GDNF: variants seen among roughly 807,000 people sequenced by gnomAD.
The protein encoded by GDNF is glial cell derived neurotrophic factor, also known as glial cell line-derived neurotrophic factor.
In GDNF, 5 loss-of-function variants were observed where a neutral mutation model predicts 13.7. The ratio of observed to expected loss-of-function variants is 0.36; its 90% CI spans 0.19 to 0.77. The LOEUF is 0.77. Among genes scored for constraint, GDNF ranks in the 30% least tolerant of loss-of-function variants. The probability of loss-of-function intolerance (pLI) is 0.51; values close to 1 mark genes in which losing one functional copy is unlikely to be tolerated. For missense variants in GDNF, 246 were observed against 274.3 expected (o/e 0.90, Z 0.73); for synonymous variants, 122 against 112.5 (o/e 1.08, Z -0.53).
At chr5:37,835,367 C>A in intron 1 of GDNF, 1 of 1,149,592 alleles carries the variant, frequency 8.7e-7, no homozygotes, top group Non-Finnish European at 1.2e-6. Flanking sequence ...TCTGGCTAGT[C>A]GAGGGCAGGC....
intron 1 of GDNF, among the ~76,000 whole-genome samples, chr5:37,836,952 G>A (rs1340785714): frequency 2.0e-5 from 3 of 152,236 alleles, no homozygotes; most frequent in African/African-American, 7.2e-5. Context: ...GGAGGCTCCC[G>A]GCTGCGGTTC....
At chr5:37,820,851 T>C (rs1171913228) in intron 2 of GDNF, among the ~76,000 whole-genome samples, 1 of 152,238 alleles carries the variant, frequency 6.6e-6, no homozygotes, top group African/African-American at 2.4e-5. Context: ...TTGTTGCTAA[T>C]GTGGAAATAT....
rs1749791151 is a variant in GDNF, at chr5:37,813,245, G to A, written c.*2406C>T. 6.6e-6 allele frequency: 1 copy of A among 152,256 alleles called. No individual in the cohort carries two copies. Among genetic ancestry groups the A allele is most frequent in the African/African-American group, 2.4e-5 (1 of 41,440 alleles). 9.4% of individuals were successfully genotyped at this position (152,256 alleles called of 1,614,324 possible). ...GGAGCAGAAAGGACAGAGAAGGGCA[G>A]AACCATGAAGAATTTGGGTATTTTG... On this transcript the variant is annotated 3_prime_UTR_variant, in exon 3 of 3. Transcript: ENST00000326524.
chr5:37,836,392 A>G (rs928391502), intron 1 of GDNF, among the ~76,000 whole-genome samples: 1 of 151,610 alleles, frequency 6.6e-6, no homozygotes, highest in Admixed American at 6.6e-5. Context: ...GCCACCTCCC[A>G]CCTCTGCAGA....
intron 2 of GDNF, among the ~76,000 whole-genome samples, chr5:37,817,375 T>C (rs1486227478): frequency 6.6e-6 from 1 of 152,186 alleles, no homozygotes. Flanking sequence ...TCAGGTCATT[T>C]AGTATGTTTA....
intron 1 of GDNF, chr5:37,835,336 GC>G: frequency 1.4e-6 from 1 of 726,038 alleles, no homozygotes. Context: ...GCATTCCCCT[GC>G]CTCGGGTCCC....
intron 2 of GDNF, among the ~76,000 whole-genome samples, chr5:37,828,172 C>T (rs72747310): frequency 0.037 from 5,616 of 152,274 alleles, 115 homozygotes; most frequent in Non-Finnish European, 0.052. Context: ...GCCATCCCCT[C>T]GCTGGGCAGA....
At chr5:37,817,623 G>A (rs1749980391) in intron 2 of GDNF, among the ~76,000 whole-genome samples, 1 of 151,890 alleles carries the variant, frequency 6.6e-6, no homozygotes, top group South Asian at 2.1e-4. Flanking sequence ...GTGTGTGTGT[G>A]TGTGTGTAAT....
Position 37,838,434 on chromosome 5 carries a change from C to T in GDNF, c.-27+1073G>A, listed in dbSNP as rs919923943. ...ACATCTCTTCCTTGAAATACCTAAG[C>T]ATATATTCCAAACACTGAGCAAGAG... On this transcript the variant is annotated intron_variant, in intron 1 of 2. Coordinates refer to ENST00000326524, the MANE Select transcript of GDNF (RefSeq NM_000514.4). This position sits in a 1 kb window ranked among gnomAD's most constrained non-coding sequence, Gnocchi z 4.1. Among the ~76,000 whole-genome samples, 3 of 152,224 alleles carry T rather than the reference C, an allele frequency of 2.0e-5. No individual in the cohort carries two copies. The highest frequency in any genetic ancestry group is 7.2e-5 in the African/African-American group (3 of 41,458).
At chr5:37,835,567 A>G (rs1309427668) in intron 1 of GDNF, 2 of 1,477,678 alleles carry the variant, frequency 1.4e-6, no homozygotes, top group Non-Finnish European at 1.9e-6. Context: ...TCTTAAAGTT[A>G]TGAACATTAA....
intron 2 of GDNF, among the ~76,000 whole-genome samples, chr5:37,820,491 C>T (rs1406056003): frequency 2.0e-5 from 3 of 152,158 alleles, no homozygotes; most frequent in Non-Finnish European, 4.4e-5. Context: ...ATTTGAATTT[C>T]AGGTAAATAG....
intron 2 of GDNF, among the ~76,000 whole-genome samples, chr5:37,816,381 A>T (rs543776781): frequency 6.6e-6 from 1 of 152,360 alleles, no homozygotes; most frequent in South Asian, 2.1e-4. Flanking sequence ...ACAAATCCTT[A>T]GAAGCATAGT....
chr5:37,816,211 C>A lies in GDNF; in HGVS notation c.152-76G>T. The A allele has an allele frequency of 3.3e-6, 5 of 1,507,632 alleles. No homozygotes were observed. In the South Asian group the frequency reaches 3.4e-5, roughly 10 times the overall value. 93.4% of individuals were successfully genotyped at this position (1,507,632 alleles called of 1,614,324 possible). On this transcript the variant is annotated intron_variant, in intron 2 of 2. Coordinates refer to ENST00000326524, the MANE Select transcript of GDNF (RefSeq NM_000514.4). ...AAGCCGTCTTCAAGATCAAAGTGCC[C>A]CCCTAAAGTCAGCAAAAATTGGACC... is the stretch of plus-strand genomic sequence containing the variant.
At chr5:37,826,173 T>A (rs577694868) in intron 2 of GDNF, among the ~76,000 whole-genome samples, 1 of 152,150 alleles carries the variant, frequency 6.6e-6, no homozygotes, top group Non-Finnish European at 1.5e-5. Context: ...AATTTCCCCA[T>A]CTTTCAAATG....
At chr5:37,826,737 C>T (rs1205664770) in intron 2 of GDNF, among the ~76,000 whole-genome samples, 1 of 152,178 alleles carries the variant, frequency 6.6e-6, no homozygotes, top group African/African-American at 2.4e-5. Flanking sequence ...CCTCAATTTC[C>T]ACATGTGCCA....
intron 2 of GDNF, among the ~76,000 whole-genome samples, chr5:37,827,751 T>C (rs1443174129): frequency 6.6e-6 from 1 of 152,246 alleles, no homozygotes. Context: ...TGATTTGGGC[T>C]GATTAGTTTG....
At position 37,815,522 on chromosome 5, in the gene GDNF, C is replaced by CCTCCTCCTCCTCCTCCTG. The variant is rs1749882990; in HGVS notation, c.*128_*129insCAGGAGGAGGAGGAGGAG. 3 of 842,402 alleles carry CCTCCTCCTCCTCCTCCTG rather than the reference C, an allele frequency of 3.6e-6. No individual in the cohort carries two copies. The African/African-American group carries it at 5.4e-5, about 15-fold the overall frequency. The allele number at this position is 842,402 out of a possible 1,614,324, so 52.2% of individuals were successfully genotyped here. ...TCCTCCTCCTCCTCCTCCTCCTCCT[C>CCTCCTCCTCCTCCTCCTG]TTCTTCTTCCTCCTCCTCCGCCTCC... On this transcript the variant is annotated 3_prime_UTR_variant, in exon 3 of 3. Transcript: ENST00000326524. The surrounding 1 kb of genome is among the most constrained non-coding windows in gnomAD (Gnocchi z 5.0).
At position 37,834,785 on chromosome 5, in the gene GDNF, C is replaced by T; in HGVS notation, c.12G>A (p.Trp4Ter). 1 of 1,613,264 alleles carries T rather than the reference C, an allele frequency of 6.2e-7. No homozygotes were observed. The highest frequency in any genetic ancestry group is 8.5e-7 in the Non-Finnish European group (1 of 1,179,676). Residue 4 changes from tryptophan (W) to a stop codon, truncating the protein, a stop_gained, in exon 2 of 3, where the codon TGG becomes TGA. Coordinates refer to ENST00000326524, the MANE Select transcript of GDNF (RefSeq NM_000514.4). LOFTEE classifies it high-confidence loss of function. MKL[W>*]DVVAVCLVLL... is the part of the protein sequence containing the mutation. ...GCACCAGGCAGACAGCCACGACATC[C>T]CATAACTTCATCTTAAAGTCCCGTC...
chr5:37,816,235 C>T, intron 2 of GDNF, 100 bp from the exon 3 acceptor site: 1 of 1,200,502 alleles, frequency 8.3e-7, no homozygotes, highest in East Asian at 2.4e-5. Context: ...AAAAATTGGA[C>T]CCACAGCAAA....
Sources: allele counts gnomAD v4.1 joint callset (sites outside exome capture counted in the v4.1 genomes callset), GRCh38; gene constraint gnomAD v4.1.1; non-coding constraint Gnocchi (gnomAD v3.1); transcripts MANE v1.5; gene names NCBI Gene and HGNC (gene_info 2026-07-23, HGNC 2026-07-21).